MEI1: variants seen among roughly 807,000 people sequenced by gnomAD.
MEI1 encodes the protein meiosis inhibitor protein 1.
Under a neutral mutation model 146.2 loss-of-function variants are expected in MEI1, and 103 were observed. The observed-to-expected ratio is 0.70, with a 90% CI of 0.60 to 0.83. The LOEUF (loss-of-function observed/expected upper bound fraction) is 0.83. MEI1 is among the 40% of genes least tolerant of loss of function. MEI1 has a pLI of 0.00. For missense variants in MEI1, 1,529 were observed against 1,533.0 expected (o/e 1.00, Z 0.04); for synonymous variants, 652 against 628.2 (o/e 1.04, Z -0.57).
At chr22:41,749,806 A>C (rs2073621028) in intron 15 of MEI1, among the ~76,000 whole-genome samples, 1 of 151,536 alleles carries the variant, frequency 6.6e-6, no homozygotes, top group African/African-American at 2.4e-5. Flanking sequence ...GAGAGGGAAC[A>C]GTTCAAGGTA....
chr22:41,747,979 A>G, intron 14 of MEI1, 128 bp from the exon 15 acceptor site: 1 of 660,686 alleles, frequency 1.5e-6, no homozygotes, highest in Non-Finnish European at 2.7e-6. Flanking sequence ...TTGGACTTTA[A>G]GTTCCCTAGC....
chr22:41,776,261 T>TGCCC lies in MEI1; in HGVS notation c.2704_2705insGCCC (p.Ser902CysfsTer50). The stretch of plus-strand genomic sequence containing the variant: ...GCTAGTGGAGCATGGGGCATCCCCA[T>TGCCC]CAGGAGGTCAGTCTGCAGGTGCTGT... On this transcript the variant is annotated frameshift_variant, in exon 21 of 31. Coordinates refer to ENST00000401548, the MANE Select transcript of MEI1 (RefSeq NM_152513.4). LOFTEE classifies it high-confidence loss of function. 6.2e-7 allele frequency: 1 copy of TGCCC among 1,613,426 alleles called. No individual in the cohort carries two copies. The highest frequency in any genetic ancestry group is 8.5e-7 in the Non-Finnish European group (1 of 1,179,814).
intron 5 of MEI1, among the ~76,000 whole-genome samples, chr22:41,717,495 A>C (rs1471106364): frequency 6.6e-6 from 1 of 151,994 alleles, no homozygotes; most frequent in Non-Finnish European, 1.5e-5. Flanking sequence ...ACCAGATCTC[A>C]CTATGTAGAG....
rs148686537 is a variant in MEI1, at chr22:41,793,387, C to T, written c.3346-442C>T. ...TGCAATCTCAGCTCACCGCAACCTC[C>T]GCCTCCCGGGTTCAATCGATTCTCC... On this transcript the variant is annotated intron_variant, in intron 26 of 30. Transcript: ENST00000401548. Among the ~76,000 whole-genome samples, 188 of 152,080 alleles carry T rather than the reference C, an allele frequency of 1.2e-3. 1 individual carries two copies. Among genetic ancestry groups the T allele is most frequent in the African/African-American group, 4.3e-3 (178 of 41,492 alleles).
At position 41,763,325 on chromosome 22, in the gene MEI1, T is replaced by A; in HGVS notation, c.2268+4T>A. 1 of 1,613,456 alleles carries A rather than the reference T, an allele frequency of 6.2e-7. No homozygotes were observed. Among genetic ancestry groups the A allele is most frequent in the Non-Finnish European group, 8.5e-7 (1 of 1,179,638 alleles). On this transcript the variant is annotated splice_donor_region_variant and intron_variant, in intron 19 of 30. Coordinates refer to ENST00000401548, the MANE Select transcript of MEI1 (RefSeq NM_152513.4). ...CAAAGACAATACACTACGTGAGGTA[T>A]GGACCACAATGCCTGGGCTCCTTGT...
Position 41,769,849 on chromosome 22 carries a change from A to G in MEI1, c.2269-837A>G, listed in dbSNP as rs139834042. Among the ~76,000 whole-genome samples, 18 of 151,944 alleles carry G rather than the reference A, an allele frequency of 1.2e-4. No individual in the cohort carries two copies. In the East Asian group the frequency reaches 3.3e-3, roughly 28 times the overall value. ...TTTGTGAGGAGTAAGAAATTATTCA[A>G]CAAGGCCGGGCACGGTGGCTCACAC... On this transcript the variant is annotated intron_variant, in intron 19 of 30. Transcript: ENST00000401548.
At chr22:41,784,475 T>C (rs1208194586) in intron 25 of MEI1, 55 bp downstream of exon 25, 11 of 1,604,640 alleles carry the variant, frequency 6.9e-6, no homozygotes, top group Non-Finnish European at 9.4e-6. Flanking sequence ...GGTTTTCAGA[T>C]AAGACCAGCA....
At position 41,793,909 on chromosome 22, in the gene MEI1, T is replaced by G. The variant is rs757107276; in HGVS notation, c.3426T>G (p.Ile1142Met). ...LDYLDARSPD[I>M]ALHVASQPWN... is the part of the protein sequence containing the mutation. ...ACCTGGATGCCCGGAGCCCAGACATTGGTAGAAACTCTCCACATTATCTGA... is the reference window on the plus strand; with the variant it reads ...ACCTGGATGCCCGGAGCCCAGACATGGGTAGAAACTCTCCACATTATCTGA... Residue 1142 changes from isoleucine (I) to methionine (M), a missense_variant and splice_region_variant, in exon 27 of 31, where the codon ATT becomes ATG. Ile to Met is a conservative substitution (Grantham distance 10). Coordinates refer to ENST00000401548, the MANE Select transcript of MEI1 (RefSeq NM_152513.4). The G allele has an allele frequency of 1.9e-6, 3 of 1,611,038 alleles. No homozygotes were observed. Among genetic ancestry groups the G allele is most frequent in the Non-Finnish European group, 2.5e-6 (3 of 1,178,612 alleles).
chr22:41,710,148 C>G (rs377453857), intron 3 of MEI1, among the ~76,000 whole-genome samples: 13 of 152,090 alleles, frequency 8.5e-5, no homozygotes, highest in East Asian at 5.8e-4. Context: ...AACACACACA[C>G]AGAGACACCA....
intron 20 of MEI1, 86 bp from the exon 21 acceptor site, chr22:41,776,016 C>T: frequency 7.4e-7 from 1 of 1,358,398 alleles, no homozygotes; most frequent in Non-Finnish European, 1.0e-6. Flanking sequence ...TAATTATGGG[C>T]CCTTTTCCTG....
At chr22:41,735,423 G>A (rs907911395) in intron 11 of MEI1, among the ~76,000 whole-genome samples, 8 of 151,978 alleles carry the variant, frequency 5.3e-5, no homozygotes, top group Non-Finnish European at 7.4e-5. Flanking sequence ...TAGTAGAGAC[G>A]GGGTTTCTCC....
chr22:41,743,210 C>A lies in MEI1; in HGVS notation c.1446+16C>A, dbSNP rs1301383086. 3 of 1,557,016 alleles carry A rather than the reference C, an allele frequency of 1.9e-6. No homozygotes were observed. Among genetic ancestry groups the A allele is most frequent in the Admixed American group, 1.7e-5 (1 of 59,646 alleles). On this transcript the variant is annotated intron_variant, in intron 12 of 30. Coordinates refer to ENST00000401548, the MANE Select transcript of MEI1 (RefSeq NM_152513.4). ...GAGGCCCCTGGTCAGTGTACTGCAG[C>A]CTGCTGCTTCCGAAGATCATGCTGC...
intron 26 of MEI1, among the ~76,000 whole-genome samples, chr22:41,790,420 T>G (rs983100409): frequency 5.9e-5 from 9 of 152,124 alleles, no homozygotes; most frequent in African/African-American, 2.2e-4. Flanking sequence ...TTCATTCATT[T>G]GTTCAATGAT....
intron 3 of MEI1, among the ~76,000 whole-genome samples, chr22:41,706,847 T>C (rs893331654): frequency 1.3e-5 from 2 of 151,886 alleles, no homozygotes; most frequent in Non-Finnish European, 2.9e-5. Flanking sequence ...TAGGATCCAG[T>C]CAGGAAATAG....
chr22:41,737,628 G>C (rs956857060), intron 11 of MEI1, among the ~76,000 whole-genome samples: 2 of 151,970 alleles, frequency 1.3e-5, no homozygotes, highest in African/African-American at 4.8e-5. Context: ...TGAAACCTCT[G>C]CCTTCTGGGT....
At chr22:41,725,745 C>T (rs1470493479) in intron 7 of MEI1, among the ~76,000 whole-genome samples, 1 of 152,224 alleles carries the variant, frequency 6.6e-6, no homozygotes, top group Non-Finnish European at 1.5e-5. Flanking sequence ...CTATAGGGCT[C>T]CCCTGTCACC....
chr22:41,745,118 G>T (rs2073190057), intron 13 of MEI1, 54 bp downstream of exon 13: 1 of 1,261,214 alleles, frequency 7.9e-7, no homozygotes, highest in East Asian at 2.7e-5. Flanking sequence ...GGGTGGAAGG[G>T]ATTCAGACAA....
chr22:41,764,004 T>C (rs1354294902), intron 19 of MEI1, among the ~76,000 whole-genome samples: 1 of 133,548 alleles, frequency 7.5e-6, no homozygotes, highest in Non-Finnish European at 1.5e-5. Flanking sequence ...TGGAGTGCAG[T>C]GGCAGGATCG....
At chr22:41,765,407 AGAGGTC>A (rs755874468) in intron 19 of MEI1, among the ~76,000 whole-genome samples, 7 of 152,220 alleles carry the variant, frequency 4.6e-5, no homozygotes, top group Non-Finnish European at 1.0e-4. Flanking sequence ...CTTGAGCGCA[AGAGGTC>A]GAGGCTGCAG....
Sources: allele counts gnomAD v4.1 joint callset (sites outside exome capture counted in the v4.1 genomes callset), GRCh38; gene constraint gnomAD v4.1.1; transcripts MANE v1.5; gene names NCBI Gene and HGNC (gene_info 2026-07-23, HGNC 2026-07-21).